NRXN1: variants seen among roughly 807,000 people sequenced by gnomAD.
NRXN1 encodes neurexin 1.
NRXN1 carries 39 observed loss-of-function variants against 150.9 expected under a neutral mutation model. The ratio of observed to expected loss-of-function variants is 0.26; its 90% CI spans 0.20 to 0.34. NRXN1 has a LOEUF of 0.34. Ranked by LOEUF, NRXN1 falls within the 10% of genes least tolerant of loss-of-function variation. The pLI, the probability that NRXN1 is intolerant of heterozygous loss-of-function variation, is 1.00. For synonymous variants in NRXN1, 924 were observed against 757.0 expected, an observed-to-expected ratio of 1.22 and a Z score of -3.62; for missense variants, 1,815 against 1,949.9, an observed-to-expected ratio of 0.93 and a Z score of 1.30.
intron 22 of NRXN1, among the ~76,000 whole-genome samples, chr2:49,932,254 A>G (rs1450960559): frequency 6.6e-6 from 1 of 152,090 alleles, no homozygotes; most frequent in Non-Finnish European, 1.5e-5. Flanking sequence ...CTCTGTCTCT[A>G]CAGAAAATGT....
intron 5 of NRXN1, among the ~76,000 whole-genome samples, chr2:50,756,137 T>C (rs893795758): frequency 1.3e-5 from 2 of 151,792 alleles, no homozygotes; most frequent in African/African-American, 2.4e-5. Flanking sequence ...CTATGCTACA[T>C]GGTCTTTCCT....
At chr2:50,405,413 G>A (rs1266598649) in intron 17 of NRXN1, among the ~76,000 whole-genome samples, 1 of 152,094 alleles carries the variant, frequency 6.6e-6, no homozygotes, top group African/African-American at 2.4e-5. Flanking sequence ...ATCTCCAAGA[G>A]GTGGAAAGAA....
At chr2:50,452,858 T>C (rs553869952) in intron 17 of NRXN1, among the ~76,000 whole-genome samples, 1 of 152,140 alleles carries the variant, frequency 6.6e-6, no homozygotes, top group African/African-American at 2.4e-5. Flanking sequence ...AGAATAGTAA[T>C]AGAGAAATGT....
intron 18 of NRXN1, among the ~76,000 whole-genome samples, chr2:50,194,248 T>C (rs1244600675): frequency 6.6e-6 from 1 of 152,138 alleles, no homozygotes; most frequent in African/African-American, 2.4e-5. Context: ...ATCTTACCCG[T>C]GCCTATACTA....
At chr2:50,380,197 C>A (rs192135485) in intron 17 of NRXN1, among the ~76,000 whole-genome samples, 3 of 152,024 alleles carry the variant, frequency 2.0e-5, no homozygotes, top group Non-Finnish European at 2.9e-5. Context: ...TGAAACTCAG[C>A]GAGCCTAGAG....
At chr2:50,779,565 G>T (rs1312315409) in intron 5 of NRXN1, among the ~76,000 whole-genome samples, 1 of 151,990 alleles carries the variant, frequency 6.6e-6, no homozygotes, top group African/African-American at 2.4e-5. Flanking sequence ...TCAGGAGACC[G>T]AGACCATCCT....
At chr2:50,724,657 A>C (rs1574250667) in intron 5 of NRXN1, among the ~76,000 whole-genome samples, 1 of 152,182 alleles carries the variant, frequency 6.6e-6, no homozygotes, top group Non-Finnish European at 1.5e-5. Flanking sequence ...GATTATATAT[A>C]ATATACAAAA....
At chr2:50,376,060 C>T (rs1325511665) in intron 17 of NRXN1, among the ~76,000 whole-genome samples, 1 of 151,796 alleles carries the variant, frequency 6.6e-6, no homozygotes, top group Non-Finnish European at 1.5e-5. Flanking sequence ...CACACACACA[C>T]ACACACACAT....
At chr2:50,289,817 C>A (rs1486351287) in intron 17 of NRXN1, among the ~76,000 whole-genome samples, 1 of 152,038 alleles carries the variant, frequency 6.6e-6, no homozygotes. Context: ...GGATTCAGTG[C>A]ACAGGAAGGA....
chr2:50,923,406 C>T (rs770047357), intron 3 of NRXN1: 1 of 309,230 alleles, frequency 3.2e-6, no homozygotes, highest in Non-Finnish European at 6.9e-6. Flanking sequence ...ATGCTGAACT[C>T]TAAGTTAGTG....
intron 21 of NRXN1, among the ~76,000 whole-genome samples, chr2:49,989,034 T>C (rs1255177655): frequency 6.6e-6 from 1 of 152,174 alleles, no homozygotes; most frequent in East Asian, 1.9e-4. Flanking sequence ...ATTATTCCAT[T>C]TGAGTTCTGA....
At chr2:50,702,981 T>C (rs551043956) in intron 5 of NRXN1, among the ~76,000 whole-genome samples, 1 of 152,142 alleles carries the variant, frequency 6.6e-6, no homozygotes, top group Admixed American at 6.5e-5. Context: ...GAGACAGAAG[T>C]TAAATCTCCA....
intron 22 of NRXN1, among the ~76,000 whole-genome samples, chr2:49,925,935 A>G (rs957982262): frequency 9.2e-5 from 14 of 152,180 alleles, no homozygotes; most frequent in African/African-American, 3.4e-4. Context: ...TCAAAGATTA[A>G]CTCCGACGTG....
At chr2:50,299,617 CATAGT>C (rs2073968844) in intron 17 of NRXN1, among the ~76,000 whole-genome samples, 1 of 152,050 alleles carries the variant, frequency 6.6e-6, no homozygotes, top group Non-Finnish European at 1.5e-5. Flanking sequence ...ATATTAAAAA[CATAGT>C]ATAAATATCA....
At chr2:49,989,888 AT>A (rs1373242469) in intron 21 of NRXN1, among the ~76,000 whole-genome samples, 9 of 152,026 alleles carry the variant, frequency 5.9e-5, no homozygotes, top group Non-Finnish European at 1.2e-4. Flanking sequence ...ACATAGCATT[AT>A]TTTCACTCAC....
chr2:50,894,109 G>C (rs932981031), intron 5 of NRXN1, among the ~76,000 whole-genome samples: 6 of 151,974 alleles, frequency 3.9e-5, no homozygotes, highest in Admixed American at 2.0e-4. Context: ...GGAGGGGGAA[G>C]GGATAGCATT....
intron 2 of NRXN1, among the ~76,000 whole-genome samples, chr2:51,023,691 C>T (rs1669980150): frequency 6.6e-6 from 1 of 152,184 alleles, no homozygotes; most frequent in Non-Finnish European, 1.5e-5. Flanking sequence ...ATTATTTCTG[C>T]ACTACCATTT....
chr2:50,566,964 G>A (rs182007199), intron 8 of NRXN1, among the ~76,000 whole-genome samples: 95 of 152,158 alleles, frequency 6.2e-4, no homozygotes, highest in African/African-American at 2.1e-3. Flanking sequence ...TCATTAACTA[G>A]CTGTGGTTCT....
chr2:50,048,948 T>C (rs955438705), intron 21 of NRXN1, among the ~76,000 whole-genome samples: 4 of 152,104 alleles, frequency 2.6e-5, no homozygotes, highest in African/African-American at 7.2e-5. Context: ...TTTTATTCTC[T>C]CTCTTTTCTC....
Sources: allele counts gnomAD v4.1 joint callset (sites outside exome capture counted in the v4.1 genomes callset), GRCh38; gene constraint gnomAD v4.1.1; transcripts MANE v1.5; gene names NCBI Gene and HGNC (gene_info 2026-07-23, HGNC 2026-07-21).